ATF7: variants seen among roughly 807,000 people sequenced by gnomAD.
The protein encoded by ATF7 is cyclic AMP-dependent transcription factor ATF-7.
In ATF7, 10 loss-of-function variants were observed where a neutral mutation model predicts 50.4. That is an observed-to-expected ratio of 0.20 (90% CI 0.12 to 0.34). The LOEUF is 0.34. Among genes scored for constraint, ATF7 ranks in the 10% least tolerant of loss-of-function variants. ATF7 has a pLI of 1.00. For missense variants in ATF7, 465 were observed against 613.9 expected (o/e 0.76, Z 2.56); for synonymous variants, 201 against 226.4 (o/e 0.89, Z 1.01).
At chr12:53,543,049 A>G in intron 4 of ATF7, 3 of 1,297,590 alleles carry the variant, frequency 2.3e-6, no homozygotes, top group Non-Finnish European at 3.0e-6. Context: ...TATTTATAAT[A>G]TAAATATTTT....
intron 2 of ATF7, among the ~76,000 whole-genome samples, chr12:53,579,090 CA>C (rs933092644): frequency 6.6e-6 from 1 of 151,398 alleles, no homozygotes; most frequent in African/African-American, 2.4e-5. Flanking sequence ...TAAAAAAATA[CA>C]AAAAAAATTA....
chr12:53,587,383 A>AAAAAAAAAAAAAAAAAAAAAAAAG (rs1592936820), intron 2 of ATF7, among the ~76,000 whole-genome samples: 1 of 147,518 alleles, frequency 6.8e-6, no homozygotes, highest in East Asian at 2.0e-4. Flanking sequence ...AAAAAAAAAA[A>AAAAAAAAAAAAAAAAAAAAAAAAG]GAAGGAAAAC....
intron 2 of ATF7, among the ~76,000 whole-genome samples, chr12:53,572,288 T>C (rs1411891274): frequency 6.6e-6 from 1 of 152,160 alleles, no homozygotes; most frequent in African/African-American, 2.4e-5. Context: ...GGCAAACTGC[T>C]GTTCCCCAAA....
At chr12:53,538,925 A>G (rs1939375900) in intron 4 of ATF7, among the ~76,000 whole-genome samples, 2 of 152,136 alleles carry the variant, frequency 1.3e-5, no homozygotes. Context: ...GGTCCAATTT[A>G]GCTAATTCTG....
chr12:53,545,415 T>C (rs552440815), intron 3 of ATF7, among the ~76,000 whole-genome samples: 1 of 152,228 alleles, frequency 6.6e-6, no homozygotes, highest in Admixed American at 6.5e-5. Flanking sequence ...CGCCTCACCG[T>C]AATCTCTGCC....
intron 5 of ATF7, among the ~76,000 whole-genome samples, chr12:53,536,075 T>A (rs998229336): frequency 7.9e-5 from 12 of 152,080 alleles, no homozygotes; most frequent in Non-Finnish European, 1.5e-4. Flanking sequence ...TACAGACCAT[T>A]TCCAGCACCC....
At position 53,591,789 on chromosome 12, in the gene ATF7, T is replaced by C. The variant is rs182558413; in HGVS notation, c.48+9164A>G. Among the ~76,000 whole-genome samples the C allele has an allele frequency of 1.1e-3, 160 of 152,310 alleles. 1 individual carries two copies. The highest frequency in any genetic ancestry group is 3.7e-3 in the African/African-American group (152 of 41,574). ...GCTCTTTGAGAGACCATGTCTTTGA[T>C]AAGCAGCGGTGCAACTCTGACAGCC... On this transcript the variant is annotated intron_variant, in intron 2 of 11. Transcript: ENST00000420353.
chr12:53,621,689 T>C (rs1944387524), intron 1 of ATF7, among the ~76,000 whole-genome samples: 1 of 148,594 alleles, frequency 6.7e-6, no homozygotes, highest in East Asian at 2.0e-4. Context: ...CTCTGGTGGC[T>C]GAGGCAGGAG....
At chr12:53,620,116 T>C (rs960365876) in intron 1 of ATF7, among the ~76,000 whole-genome samples, 1 of 151,600 alleles carries the variant, frequency 6.6e-6, no homozygotes, top group Non-Finnish European at 1.5e-5. Flanking sequence ...TGTACTCCAG[T>C]CTGGGCAACA....
chr12:53,564,491 A>G (rs1941328495), intron 2 of ATF7, among the ~76,000 whole-genome samples: 1 of 152,224 alleles, frequency 6.6e-6, no homozygotes, highest in African/African-American at 2.4e-5. Flanking sequence ...TTTTAACCAC[A>G]TCCTTTTGAG....
chr12:53,555,325 C>CA (rs113283704), intron 2 of ATF7, among the ~76,000 whole-genome samples: 9,093 of 114,154 alleles, frequency 0.08, 428 homozygotes, highest in East Asian at 0.22. Flanking sequence ...AACTCCATCT[C>CA]AAAAAAAAAA....
At chr12:53,591,993 C>T (rs1184282246) in intron 2 of ATF7, among the ~76,000 whole-genome samples, 2 of 151,836 alleles carry the variant, frequency 1.3e-5, no homozygotes, top group African/African-American at 4.8e-5. Flanking sequence ...GATTTAAAGA[C>T]AGAGCTATGT....
chr12:53,556,845 C>T (rs1940789579), intron 2 of ATF7, among the ~76,000 whole-genome samples: 1 of 152,166 alleles, frequency 6.6e-6, no homozygotes, highest in African/African-American at 2.4e-5. Context: ...AAGAAATTCT[C>T]TAGATTAGTC....
intron 3 of ATF7, among the ~76,000 whole-genome samples, chr12:53,551,776 C>A (rs1234768626): frequency 6.6e-6 from 1 of 152,070 alleles, no homozygotes; most frequent in Non-Finnish European, 1.5e-5. Context: ...CAACTAAACA[C>A]CCTAGGAATT....
intron 2 of ATF7, among the ~76,000 whole-genome samples, chr12:53,591,253 G>A (rs1303202715): frequency 2.0e-5 from 3 of 150,586 alleles, no homozygotes; most frequent in African/African-American, 7.5e-5. Flanking sequence ...CAGTACCACG[G>A]CTAATAAGAG....
chr12:53,532,870 A>G (rs1330461125), intron 7 of ATF7, among the ~76,000 whole-genome samples: 1 of 152,128 alleles, frequency 6.6e-6, no homozygotes, highest in African/African-American at 2.4e-5. Context: ...ATCTTGAGGA[A>G]ATTGTTGGGC....
chr12:53,551,199 G>A (rs890803785), intron 3 of ATF7, among the ~76,000 whole-genome samples: 1 of 152,170 alleles, frequency 6.6e-6, no homozygotes, highest in East Asian at 1.9e-4. Context: ...TTGCTTTGTA[G>A]TCTAGGCTAG....
At chr12:53,604,277 A>T (rs76278963) in intron 1 of ATF7, among the ~76,000 whole-genome samples, 1 of 152,174 alleles carries the variant, frequency 6.6e-6, no homozygotes, top group Non-Finnish European at 1.5e-5. Flanking sequence ...TTAAATGATT[A>T]AAAAAACTTA....
At chr12:53,572,656 A>G (rs1216919363) in intron 2 of ATF7, among the ~76,000 whole-genome samples, 2 of 152,130 alleles carry the variant, frequency 1.3e-5, no homozygotes, top group Non-Finnish European at 2.9e-5. Flanking sequence ...TCAAAAATAG[A>G]TGAGTACTGG....
Sources: allele counts gnomAD v4.1 joint callset (sites outside exome capture counted in the v4.1 genomes callset), GRCh38; gene constraint gnomAD v4.1.1; transcripts MANE v1.5; gene names NCBI Gene and HGNC (gene_info 2026-07-23, HGNC 2026-07-21).